Variants in MSL1 observed in about 807,000 individuals in gnomAD.
MSL1 encodes the protein MSL complex subunit 1, also known as male-specific lethal 1 homolog.
Under a neutral mutation model 64.6 loss-of-function variants are expected in MSL1, and 21 were observed. That is an observed-to-expected ratio of 0.33 (90% CI 0.23 to 0.47). MSL1 has a LOEUF of 0.47. Ranked by LOEUF, MSL1 falls within the 20% of genes least tolerant of loss-of-function variation. The probability of loss-of-function intolerance (pLI) is 1.00; values close to 1 mark genes in which losing one functional copy is unlikely to be tolerated. For synonymous variants in MSL1, 339 were observed against 329.6 expected (o/e 1.03, Z -0.31); for missense variants, 664 against 793.2 (o/e 0.84, Z 1.96).
intron 8 of MSL1, 96 bp downstream of exon 8, chr17:40,133,995 G>C (rs980347679): frequency 1.7e-6 from 2 of 1,146,338 alleles, no homozygotes; most frequent in Non-Finnish European, 2.6e-6. Context: ...AGGTGGCTTA[G>C]GGATAGCCAT....
rs899486746 is a variant in MSL1, at chr17:40,123,314, ACAG to A, written c.716_718del (p.Gln239del). On this transcript the variant is annotated inframe_deletion, in exon 1 of 9. Transcript: ENST00000398532. ...TTCTGCTGCAATTGGACCTCATCGA[ACAG>A]CAGCAGCAGCAGCTGCAGGCCAAGG... 4.6e-6 allele frequency: 7 copies of A among 1,534,716 alleles called. No homozygotes were observed. Among genetic ancestry groups the A allele is most frequent in the Admixed American group, 2.0e-5 (1 of 50,864 alleles).
chr17:40,122,160 C>G lies in MSL1; in HGVS notation c.-453C>G, dbSNP rs1290853381. 6.6e-6 allele frequency: 1 copy of G among 151,024 alleles called. No homozygotes were observed. The highest frequency in any genetic ancestry group is 1.5e-5 in the Non-Finnish European group (1 of 67,556). The allele number at this position is 151,024 out of a possible 1,614,324, so 9.4% of individuals were successfully genotyped here. ...CTTTGGGCGGACCCAGCCCTCCACCCCCTCCTGAGGAGGAGGGGGGGGAAA... is the reference window on the plus strand; with the variant it reads ...CTTTGGGCGGACCCAGCCCTCCACCGCCTCCTGAGGAGGAGGGGGGGGAAA... On this transcript the variant is annotated 5_prime_UTR_variant, in exon 1 of 9. Coordinates refer to ENST00000398532, the MANE Select transcript of MSL1 (RefSeq NM_001365919.1). This position sits in a 1 kb window ranked among gnomAD's most constrained non-coding sequence, Gnocchi z 4.2.
chr17:40,123,419 A>C, intron 1 of MSL1, 39 bp downstream of exon 1: 1 of 1,525,570 alleles, frequency 6.6e-7, no homozygotes, highest in Non-Finnish European at 8.8e-7. Flanking sequence ...CCGAGGAGCG[A>C]GTTGTGCGCA....
chr17:40,133,405 T>C, intron 6 of MSL1, 129 bp from the exon 7 acceptor site: 1 of 1,197,522 alleles, frequency 8.4e-7, no homozygotes, highest in Non-Finnish European at 1.1e-6. Flanking sequence ...GTCATTTCTC[T>C]TTACCCTGTC....
chr17:40,132,811 T>C (rs1372498052), intron 5 of MSL1, among the ~76,000 whole-genome samples: 3 of 152,144 alleles, frequency 2.0e-5, no homozygotes, highest in Admixed American at 1.3e-4. Context: ...TGGAAAGATA[T>C]GGAAATGATT....
At position 40,136,197 on chromosome 17, in the gene MSL1, C is replaced by T. The variant is rs893747175; in HGVS notation, c.*1828C>T. On this transcript the variant is annotated 3_prime_UTR_variant, in exon 9 of 9. Transcript: ENST00000398532. ...GTTTCTTCTTGATTTCAGCATGTGT[C>T]GGGTTCCTAATTTTGGGTATGAGTT... The T allele has an allele frequency of 2.6e-5, 4 of 152,266 alleles. No homozygotes were observed. The highest frequency in any genetic ancestry group is 2.9e-5 in the Non-Finnish European group (2 of 68,018). 9.4% of individuals were successfully genotyped at this position (152,266 alleles called of 1,614,324 possible).
rs986615674 is a variant in MSL1, at chr17:40,122,178, G to A, written c.-435G>A. 6.6e-6 allele frequency: 1 copy of A among 150,504 alleles called. No homozygotes were observed. Among genetic ancestry groups the A allele is most frequent in the African/African-American group, 2.4e-5 (1 of 41,024 alleles). 9.3% of individuals were successfully genotyped at this position (150,504 alleles called of 1,614,324 possible). A position where few individuals can be genotyped will look rare whatever the true frequency, so the allele number is the denominator to read the frequency against. ...CTCCACCCCCTCCTGAGGAGGAGGG[G>A]GGGGAAATGGAGGCTCGGGGCGGTT... On this transcript the variant is annotated 5_prime_UTR_variant, in exon 1 of 9. Transcript: ENST00000398532. The surrounding 1 kb of genome is among the most constrained non-coding windows in gnomAD (Gnocchi z 4.2).
At position 40,122,456 on chromosome 17, in the gene MSL1, C is replaced by T. The variant is rs1267365575; in HGVS notation, c.-157C>T. Reference sequence around the variant, plus strand: ...CTCCGCACGCCGGCGGGATGGCGCCCGGGCCCCGGAGGAGCCGCGCTAGCG... The same window carrying T: ...CTCCGCACGCCGGCGGGATGGCGCCTGGGCCCCGGAGGAGCCGCGCTAGCG... On this transcript the variant is annotated 5_prime_UTR_variant, in exon 1 of 9. Coordinates refer to ENST00000398532, the MANE Select transcript of MSL1 (RefSeq NM_001365919.1). The surrounding 1 kb of genome is among the most constrained non-coding windows in gnomAD (Gnocchi z 4.2). The T allele has an allele frequency of 1.1e-5, 5 of 470,518 alleles. No individual in the cohort carries two copies. The highest frequency in any genetic ancestry group is 7.2e-5 in the East Asian group (2 of 27,774). 29.1% of individuals were successfully genotyped at this position (470,518 alleles called of 1,614,324 possible). A position where few individuals can be genotyped will look rare whatever the true frequency, so the allele number is the denominator to read the frequency against.
rs763415043 is a variant in MSL1 at position 40,133,074 on chromosome 17, T to C, written c.1521T>C (p.His507=). The change falls in exon 6 of 9, where the codon CAT becomes CAC. Residue 507 remains histidine, a synonymous_variant. Transcript: ENST00000398532. ...ATGACAGTGTGTTTTCGAAGCGGCA[T>C]GCAAAACTGGAGCTGGATGAGAAGA... is the stretch of plus-strand genomic sequence containing the variant. ...NLDDSVFSKR[H]AKLELDEKRR... The C allele has an allele frequency of 2.5e-6, 4 of 1,611,484 alleles. No homozygotes were observed. Among genetic ancestry groups the C allele is most frequent in the Non-Finnish European group, 3.4e-6 (4 of 1,178,820 alleles).
Position 40,136,111 on chromosome 17 carries a change from A to T in MSL1, c.*1742A>T, listed in dbSNP as rs754676115. On this transcript the variant is annotated 3_prime_UTR_variant, in exon 9 of 9. Transcript: ENST00000398532. ...CTTACCTATGTGATATTTCTTCGTA[A>T]CGTGTCCAAAAAGAAAAAAGACCCA... 59 of 152,200 alleles carry T rather than the reference A, an allele frequency of 3.9e-4. No homozygotes were observed. The highest frequency in any genetic ancestry group is 1.8e-4 in the Non-Finnish European group (12 of 68,014). The allele number at this position is 152,200 out of a possible 1,614,324, so 9.4% of individuals were successfully genotyped here.
Position 40,122,766 on chromosome 17 carries a change from C to T in MSL1, c.154C>T (p.Leu52Phe). The T allele has an allele frequency of 3.6e-6, 5 of 1,395,446 alleles. No individual in the cohort carries two copies. Among genetic ancestry groups the T allele is most frequent in the Non-Finnish European group, 4.6e-6 (5 of 1,084,216 alleles). The allele number at this position is 1,395,446 out of a possible 1,614,324, so 86.4% of individuals were successfully genotyped here. A position where few individuals can be genotyped will look rare whatever the true frequency, so the allele number is the denominator to read the frequency against. Residue 52 changes from leucine to phenylalanine, a missense_variant, in exon 1 of 9, where the codon CTC (leucine) becomes TTC (phenylalanine). Physicochemically the swap from Leu to Phe is conservative, Grantham distance 22. Coordinates refer to ENST00000398532, the MANE Select transcript of MSL1 (RefSeq NM_001365919.1). The surrounding 1 kb of genome is among the most constrained non-coding windows in gnomAD (Gnocchi z 4.2). ...EAHFLPRHRK[L>F]KEPGPPLASS... ...CCACTTCCTCCCCCGGCACCGTAAG[C>T]TCAAGGAGCCGGGGCCCCCGCTGGC... is the stretch of plus-strand genomic sequence containing the variant.
rs560109462 is a variant in MSL1, at chr17:40,129,930, AGAAG to A, written c.1375+305_1375+308del. ...TCCGGCAACTTGCATGCCCTCTGAA[AGAAG>A]GGTTTTCTGTGCTGTGAAATGCATA... On this transcript the variant is annotated intron_variant, in intron 3 of 8. Transcript: ENST00000398532. 337 of 307,774 alleles carry A rather than the reference AGAAG, an allele frequency of 1.1e-3. 1 individual carries two copies. Among genetic ancestry groups the A allele is most frequent in the African/African-American group, 7.1e-3 (322 of 45,476 alleles). The allele number at this position is 307,774 out of a possible 1,614,324, so 19.1% of individuals were successfully genotyped here.
intron 2 of MSL1, among the ~76,000 whole-genome samples, chr17:40,128,240 A>C (rs1373256342): frequency 3.3e-5 from 5 of 152,058 alleles, no homozygotes; most frequent in Admixed American, 3.3e-4. Flanking sequence ...AAAAGGAAAT[A>C]AAGGTTACAA....
rs563904895 is a variant in MSL1, at chr17:40,133,802, G to A, written c.1682-25G>A. 17 of 1,612,468 alleles carry A rather than the reference G, an allele frequency of 1.1e-5. No homozygotes were observed. In the East Asian group the frequency reaches 1.6e-4, roughly 15 times the overall value. On this transcript the variant is annotated intron_variant, in intron 7 of 8. Coordinates refer to ENST00000398532, the MANE Select transcript of MSL1 (RefSeq NM_001365919.1). ...CATTTCCCATCTGTATTACTAATAC[G>A]CTCCCGTTTGACTTTCTCCCATAGT...
At position 40,122,957 on chromosome 17, in the gene MSL1, G is replaced by A. The variant is rs377628299; in HGVS notation, c.345G>A (p.Gly115=). The A allele has an allele frequency of 3.3e-6, 5 of 1,526,456 alleles. No individual in the cohort carries two copies. The African/African-American group carries it at 4.2e-5, about 13-fold the overall frequency. The allele number at this position is 1,526,456 out of a possible 1,614,324, so 94.6% of individuals were successfully genotyped here. ...CGGCCACCAAGCAAGCCGGCATTGGGGGGGAGCCTGCCGCAGCCGGAGCCG... is the reference window on the plus strand; with the variant it reads ...CGGCCACCAAGCAAGCCGGCATTGGAGGGGAGCCTGCCGCAGCCGGAGCCG... The part of the protein sequence containing the change: ...PPPATKQAGI[G]GEPAAAGAGC... The change falls in exon 1 of 9, where the codon GGG becomes GGA. Residue 115 remains glycine (G), a synonymous_variant. Coordinates refer to ENST00000398532, the MANE Select transcript of MSL1 (RefSeq NM_001365919.1). The surrounding 1 kb of genome is among the most constrained non-coding windows in gnomAD (Gnocchi z 4.2).
At position 40,128,963 on chromosome 17, in the gene MSL1, G is replaced by A. The variant is rs192350211; in HGVS notation, c.993-282G>A. On this transcript the variant is annotated intron_variant, in intron 2 of 8. Coordinates refer to ENST00000398532, the MANE Select transcript of MSL1 (RefSeq NM_001365919.1). ...CGGGAGGCAGAGATTGCAGTGAGCC[G>A]AGATCATGCCACTGCACTCCAGCTT... Among the ~76,000 whole-genome samples, 70 of 152,068 alleles carry A rather than the reference G, an allele frequency of 4.6e-4. 1 individual carries two copies. Among genetic ancestry groups the A allele is most frequent in the Admixed American group, 1.9e-3 (29 of 15,292 alleles).
chr17:40,126,128 C>G, intron 1 of MSL1, 55 bp from the exon 2 acceptor site: 1 of 1,505,320 alleles, frequency 6.6e-7, no homozygotes. Flanking sequence ...GGCTAAGTAT[C>G]TGTGTGTTTA....
Position 40,123,320 on chromosome 17 carries a change from G to A in MSL1, c.708G>A (p.Gln236=). 4 of 1,536,292 alleles carry A rather than the reference G, an allele frequency of 2.6e-6. No homozygotes were observed. The highest frequency in any genetic ancestry group is 3.5e-6 in the Non-Finnish European group (4 of 1,146,882). ...TGCAATTGGACCTCATCGAACAGCA[G>A]CAGCAGCAGCTGCAGGCCAAGGAAA... ...LLLQLDLIEQ[Q]QQQLQAKEKE... The change falls in exon 1 of 9, where the codon CAG becomes CAA. Residue 236 remains glutamine (Q), a synonymous_variant. Transcript: ENST00000398532.
In MSL1 at chr17:40,122,568, C is replaced by T; in HGVS notation, c.-45C>T. 1 of 1,372,828 alleles carries T rather than the reference C, an allele frequency of 7.3e-7. No homozygotes were observed. Among genetic ancestry groups the T allele is most frequent in the Non-Finnish European group, 9.4e-7 (1 of 1,064,064 alleles). The allele number at this position is 1,372,828 out of a possible 1,614,324, so 85.0% of individuals were successfully genotyped here. A position where few individuals can be genotyped will look rare whatever the true frequency, so the allele number is the denominator to read the frequency against. ...CGACCCCCCGCACCTCGCCCCTTCC[C>T]CACCCCCTCCTCCGCCTCGGTGCCC... On this transcript the variant is annotated 5_prime_UTR_variant, in exon 1 of 9. Transcript: ENST00000398532. The surrounding 1 kb of genome is among the most constrained non-coding windows in gnomAD (Gnocchi z 4.2).
Sources: allele counts gnomAD v4.1 joint callset (sites outside exome capture counted in the v4.1 genomes callset), GRCh38; gene constraint gnomAD v4.1.1; non-coding constraint Gnocchi (gnomAD v3.1); transcripts MANE v1.5; gene names NCBI Gene and HGNC (gene_info 2026-07-23, HGNC 2026-07-21).